Variants in AKAP6 observed in about 807,000 individuals in gnomAD.
The protein encoded by AKAP6 is A-kinase anchor protein 6.
A neutral mutation model predicts 188.5 loss-of-function variants in AKAP6; 58 were observed. That is an observed-to-expected ratio of 0.31 (90% CI 0.25 to 0.38). AKAP6 has a LOEUF of 0.38. AKAP6 is among the 10% of genes least tolerant of loss of function. The pLI, the probability that AKAP6 is intolerant of heterozygous loss-of-function variation, is 1.00. For synonymous variants in AKAP6, 989 were observed against 998.6 expected (o/e 0.99, Z 0.18); for missense variants, 2,710 against 2,740.0 (o/e 0.99, Z 0.24).
chr14:32,364,348 C>T (rs1021333546), intron 1 of AKAP6, among the ~76,000 whole-genome samples: 2 of 152,080 alleles, frequency 1.3e-5, no homozygotes, highest in East Asian at 3.9e-4. Flanking sequence ...ACAACCAGGA[C>T]CCTTGGAAAA....
intron 9 of AKAP6, among the ~76,000 whole-genome samples, chr14:32,701,641 A>G (rs1412063936): frequency 2.6e-5 from 4 of 152,166 alleles, no homozygotes; most frequent in Non-Finnish European, 5.9e-5. Context: ...GCTATTTTAT[A>G]ACTATTGATA....
chr14:32,476,979 G>T (rs370377764), intron 2 of AKAP6, among the ~76,000 whole-genome samples: 1 of 152,166 alleles, frequency 6.6e-6, no homozygotes, highest in Non-Finnish European at 1.5e-5. Flanking sequence ...AGATTCAAAG[G>T]TTTCCTGATT....
intron 12 of AKAP6, among the ~76,000 whole-genome samples, chr14:32,817,407 T>C (rs903769809): frequency 3.9e-5 from 6 of 151,956 alleles, no homozygotes; most frequent in African/African-American, 1.5e-4. Flanking sequence ...TAAAATAAAC[T>C]AGCATTATTT....
chr14:32,623,989 G>A (rs546077572), intron 7 of AKAP6, among the ~76,000 whole-genome samples: 1 of 152,268 alleles, frequency 6.6e-6, no homozygotes, highest in South Asian at 2.1e-4. Context: ...GAAGAGAGTA[G>A]AGTGGCAAAG....
intron 1 of AKAP6, among the ~76,000 whole-genome samples, chr14:32,398,452 A>G (rs548360673): frequency 1.2e-3 from 186 of 152,348 alleles, no homozygotes; most frequent in South Asian, 6.4e-3. Flanking sequence ...CTGGAAATGC[A>G]GAGAGGAATC....
At chr14:32,600,907 A>ATC (rs1476003886) in intron 7 of AKAP6, 115 bp downstream of exon 7, 2 of 889,728 alleles carry the variant, frequency 2.2e-6, no homozygotes, top group African/African-American at 3.5e-5. Context: ...GGTAAACTTT[A>ATC]TATCTCTCTC....
intron 2 of AKAP6, among the ~76,000 whole-genome samples, chr14:32,535,082 T>C (rs1882613176): frequency 6.6e-6 from 1 of 151,928 alleles, no homozygotes; most frequent in Non-Finnish European, 1.5e-5. Flanking sequence ...CCGTAGTTCA[T>C]TGAGAATGGC....
chr14:32,792,014 GTT>G (rs1310786886), intron 12 of AKAP6, among the ~76,000 whole-genome samples: 1 of 152,056 alleles, frequency 6.6e-6, no homozygotes, highest in African/African-American at 2.4e-5. Flanking sequence ...TGCTGTTTTG[GTT>G]ACTGTAGCCT....
chr14:32,698,754 CT>C (rs1465050497), intron 9 of AKAP6, among the ~76,000 whole-genome samples: 3 of 152,068 alleles, frequency 2.0e-5, no homozygotes, highest in African/African-American at 4.8e-5. Flanking sequence ...TGAACAAACA[CT>C]TTATATAGCT....
chr14:32,567,554 C>G (rs1594749357), intron 4 of AKAP6, among the ~76,000 whole-genome samples: 1 of 152,058 alleles, frequency 6.6e-6, no homozygotes, highest in Admixed American at 6.6e-5. Flanking sequence ...AAAATAATAA[C>G]TTTATTATTG....
At chr14:32,468,009 A>G (rs1307269519) in intron 2 of AKAP6, among the ~76,000 whole-genome samples, 1 of 151,630 alleles carries the variant, frequency 6.6e-6, no homozygotes, top group African/African-American at 2.4e-5. Flanking sequence ...CTGTTCTTGT[A>G]TGTGTTATAG....
chr14:32,681,324 A>G (rs138251882), intron 8 of AKAP6, among the ~76,000 whole-genome samples: 105 of 151,920 alleles, frequency 6.9e-4, no homozygotes, highest in African/African-American at 2.3e-3. Flanking sequence ...TAGATTAAAA[A>G]CCATGTCTTT....
At chr14:32,826,942 G>T (rs914918140) in intron 13 of AKAP6, among the ~76,000 whole-genome samples, 1 of 152,092 alleles carries the variant, frequency 6.6e-6, no homozygotes, top group African/African-American at 2.4e-5. Context: ...CAAGTGACTT[G>T]TTATAGGCCT....
At position 32,411,670 on chromosome 14, in the gene AKAP6, T is replaced by C. The variant is rs547539292; in HGVS notation, c.-34-21790T>C. 2.6e-5 allele frequency among the ~76,000 whole-genome samples: 4 copies of C among 152,284 alleles called. 1 individual carries two copies. The South Asian group carries it at 8.3e-4, about 32-fold the overall frequency. ...TTGGGGGCTCTACCTATAAATTTGA[T>C]TGACTCTCAGTTTCCCCACTGCCAG... On this transcript the variant is annotated intron_variant, in intron 1 of 13. Transcript: ENST00000280979.
At chr14:32,712,539 G>A (rs2029942688) in intron 9 of AKAP6, among the ~76,000 whole-genome samples, 2 of 152,188 alleles carry the variant, frequency 1.3e-5, no homozygotes, top group Admixed American at 6.6e-5. Context: ...CTCAAACCCT[G>A]CCGCTGCTTT....
At position 32,577,145 on chromosome 14, in the gene AKAP6, T is replaced by G. The variant is rs1446858046; in HGVS notation, c.2372T>G (p.Phe791Cys). Residue 791 changes from phenylalanine (F) to cysteine (C), a missense_variant, in exon 5 of 14, where the codon TTC (phenylalanine) becomes TGC (cysteine). By Grantham distance (205) the Phe-to-Cys change is radical. Transcript: ENST00000280979. ...IEGFVNKLDEFIQWLNEAMET... is the reference protein window; with the variant it reads ...IEGFVNKLDECIQWLNEAMET... ...GGGTTTGTAAACAAACTGGATGAATTCATTCAATGGTTAAATGAAGCCATG... is the reference window on the plus strand; with the variant it reads ...GGGTTTGTAAACAAACTGGATGAATGCATTCAATGGTTAAATGAAGCCATG... The G allele has an allele frequency of 1.2e-6, 2 of 1,610,302 alleles. No individual in the cohort carries two copies. The highest frequency in any genetic ancestry group is 2.7e-5 in the African/African-American group (2 of 74,686).
intron 7 of AKAP6, among the ~76,000 whole-genome samples, chr14:32,677,168 A>T (rs1454333384): frequency 6.6e-6 from 1 of 152,078 alleles, no homozygotes; most frequent in South Asian, 2.1e-4. Flanking sequence ...TCCTTTATAG[A>T]GTCCTAATTT....
chr14:32,504,618 A>C (rs996057136), intron 2 of AKAP6, among the ~76,000 whole-genome samples: 4 of 152,106 alleles, frequency 2.6e-5, no homozygotes, highest in Non-Finnish European at 5.9e-5. Flanking sequence ...TATCTGATTG[A>C]ATGTTTTTGC....
chr14:32,602,470 G>C (rs1009531542), intron 7 of AKAP6, among the ~76,000 whole-genome samples: 2 of 152,016 alleles, frequency 1.3e-5, no homozygotes, highest in African/African-American at 4.8e-5. Context: ...ACTCCAACCT[G>C]GGCAACAGAG....
Sources: gnomAD v4.1 joint callset for allele counts (sites outside exome capture counted in the v4.1 genomes callset) on GRCh38, gnomAD v4.1.1 for gene constraint, MANE v1.5 for transcripts, NCBI Gene and HGNC (gene_info 2026-07-23, HGNC 2026-07-21) for gene names.